The following LARP1 variants were observed in gnomAD, a reference collection of about 807,000 sequenced individuals.
LARP1 encodes the protein La ribonucleoprotein 1, translational regulator.
In LARP1, 36 loss-of-function variants were observed where a neutral mutation model predicts 122.7. That is an observed-to-expected ratio of 0.29 (90% CI 0.22 to 0.39). The LOEUF is 0.39. LARP1 is among the 10% of genes least tolerant of loss of function. The probability of loss-of-function intolerance (pLI) is 1.00; values close to 1 mark genes in which losing one functional copy is unlikely to be tolerated. For synonymous variants in LARP1, 539 were observed against 528.7 expected (o/e 1.02, Z -0.27); for missense variants, 1,040 against 1,403.6 (o/e 0.74, Z 4.14).
intron 15 of LARP1, among the ~76,000 whole-genome samples, chr5:154,808,092 G>A (rs756440151): frequency 1.3e-5 from 2 of 152,124 alleles, no homozygotes; most frequent in African/African-American, 2.4e-5. Context: ...GGACTCTTGA[G>A]GTAAATATTG....
chr5:154,786,610 C>G, intron 1 of LARP1: 2 of 391,164 alleles, frequency 5.1e-6, no homozygotes, highest in Non-Finnish European at 5.1e-6. Context: ...TCATCAGTAA[C>G]TGTTTACTCA....
At chr5:154,777,877 A>AGG (rs1427968862) in intron 1 of LARP1, among the ~76,000 whole-genome samples, 1 of 152,242 alleles carries the variant, frequency 6.6e-6, no homozygotes, top group Non-Finnish European at 1.5e-5. Flanking sequence ...ACACTGGTAT[A>AGG]GGGCAGCTCT....
rs564561750 is a variant in LARP1 at position 154,717,224 on chromosome 5, A to C, written c.205+4094A>C. On this transcript the variant is annotated intron_variant, in intron 1 of 18. Coordinates refer to the LARP1 transcript ENST00000336314. Reference sequence around the variant, plus strand: ...CCAACTTGAGCTGCTGCTTTTAAACAGGGCTTGTGACATCTAGTTTGCTAC... The same window carrying C: ...CCAACTTGAGCTGCTGCTTTTAAACCGGGCTTGTGACATCTAGTTTGCTAC... Among the ~76,000 whole-genome samples the C allele has an allele frequency of 1.3e-3, 200 of 152,266 alleles. 2 individuals carry two copies. The highest frequency in any genetic ancestry group is 4.5e-3 in the African/African-American group (189 of 41,554).
At chr5:154,738,963 T>A (rs1166580793) in intron 1 of LARP1, among the ~76,000 whole-genome samples, 1 of 152,100 alleles carries the variant, frequency 6.6e-6, no homozygotes, top group East Asian at 1.9e-4. Flanking sequence ...AAATAAAAAA[T>A]TTAAAATAAA....
At chr5:154,745,882 G>A (rs538597465) in intron 1 of LARP1, among the ~76,000 whole-genome samples, 1 of 150,540 alleles carries the variant, frequency 6.6e-6, no homozygotes, top group South Asian at 2.1e-4. Context: ...TGCAACCTCC[G>A]AATCCCTGGT....
At chr5:154,710,765 T>C (rs970153777), upstream of LARP1, among the ~76,000 whole-genome samples, 6 of 123,864 alleles carry the variant, frequency 4.8e-5, no homozygotes, top group Admixed American at 4.0e-4. Flanking sequence ...AAAAAAAAAA[T>C]CATACTGAAA....
chr5:154,752,627 T>C (rs1172965532), upstream of LARP1, among the ~76,000 whole-genome samples: 1 of 152,094 alleles, frequency 6.6e-6, no homozygotes, highest in Admixed American at 6.5e-5. Flanking sequence ...TTTCCAGTTC[T>C]AACAGCTTCT....
At chr5:154,757,791 TGCTCCCCTTCCCCCCTGCTCCCCTTCCCC>T in intron 1 of LARP1, among the ~76,000 whole-genome samples, 1 of 78,790 alleles carries the variant, frequency 1.3e-5, no homozygotes, top group Non-Finnish European at 2.6e-5. Flanking sequence ...CCTTCCCCCC[TGCTCCCCTTCCCCCCTGCTCCCCTTCCCC>T]CCTGCTCCCC....
intron 1 of LARP1, among the ~76,000 whole-genome samples, chr5:154,782,983 A>C (rs909823837): frequency 3.9e-5 from 6 of 152,128 alleles, no homozygotes; most frequent in Non-Finnish European, 7.4e-5. Flanking sequence ...ATGACAGCTG[A>C]AAGTAGCCAG....
At chr5:154,789,193 A>G (rs1462941250) in intron 1 of LARP1, among the ~76,000 whole-genome samples, 2 of 144,248 alleles carry the variant, frequency 1.4e-5, no homozygotes, top group Non-Finnish European at 3.0e-5. Context: ...CCTGGGTGAC[A>G]GAGCGAGACT....
At position 154,814,144 on chromosome 5, in the gene LARP1, T is replaced by TAAG. The variant is rs754062977; in HGVS notation, c.*50_*52dup. On this transcript the variant is annotated 3_prime_UTR_variant, in exon 19 of 19. Coordinates refer to ENST00000518297, the MANE Select transcript of LARP1 (RefSeq NM_033551.3). ...TGAGGGGGGAAAGGGGTAGGGTGGG[T>TAAG]AAGAGTCCATGGGGGTGCCCAGTCC... 5.2e-5 allele frequency: 82 copies of TAAG among 1,575,368 alleles called. No individual in the cohort carries two copies. The highest frequency in any genetic ancestry group is 1.7e-4 in the Middle Eastern group (1 of 6,024).
upstream of LARP1, among the ~76,000 whole-genome samples, chr5:154,710,680 T>A (rs1755173158): frequency 6.8e-6 from 1 of 146,796 alleles, no homozygotes; most frequent in African/African-American, 2.5e-5. Flanking sequence ...GAGGTGGAAG[T>A]TGCAGTGAGC....
At chr5:154,693,683 G>A (rs1174720261) in intron 1 of LARP1, among the ~76,000 whole-genome samples, 2 of 151,938 alleles carry the variant, frequency 1.3e-5, no homozygotes, top group Non-Finnish European at 2.9e-5. Context: ...ATGAAACCCC[G>A]TCTCTACTAA....
chr5:154,804,157 T>G (rs760973493), intron 13 of LARP1, 44 bp from the exon 14 acceptor site: 1 of 1,408,918 alleles, frequency 7.1e-7, no homozygotes, highest in Admixed American at 1.7e-5. Flanking sequence ...TCCTCAGAGT[T>G]GTAGGAGTAC....
intron 1 of LARP1, 43 bp downstream of exon 1, chr5:154,756,236 C>A: frequency 8.4e-7 from 1 of 1,196,880 alleles, no homozygotes; most frequent in East Asian, 8.4e-5. Flanking sequence ...GGGCCTCTTC[C>A]GGGGACATGG....
Position 154,814,062 on chromosome 5 carries a change from G to T in LARP1, c.3257G>T (p.Ser1086Ile). Residue 1086 changes from serine (S) to isoleucine (I), a missense_variant, in exon 19 of 19, where the codon AGC becomes ATC. Around this residue, in one of 8 missense-constraint regions of LARP1, gnomAD observed 129 missense variants for 160.8 expected, o/e 0.80. Coordinates refer to ENST00000518297, the MANE Select transcript of LARP1 (RefSeq NM_033551.3). ...QPVREDAKWT[S>I]QHSNTQTLGK ...GTCCGGGAAGATGCCAAATGGACAA[G>T]CCAGCACTCGAACACACAGACTTTG... The T allele has an allele frequency of 1.2e-6, 2 of 1,614,122 alleles. No homozygotes were observed. Among genetic ancestry groups the T allele is most frequent in the Admixed American group, 3.3e-5 (2 of 60,024 alleles).
intron 1 of LARP1, among the ~76,000 whole-genome samples, chr5:154,693,254 C>T (rs889035213): frequency 1.3e-5 from 2 of 152,082 alleles, no homozygotes; most frequent in Non-Finnish European, 2.9e-5. Context: ...CCTCCCACCT[C>T]AGCCTCCTAA....
At chr5:154,792,842 C>T (rs1757449242) in intron 4 of LARP1, 46 bp downstream of exon 4, 3 of 1,589,000 alleles carry the variant, frequency 1.9e-6, no homozygotes, top group Non-Finnish European at 2.6e-6. Context: ...CAGGGTAGAA[C>T]TGTGAAATGT....
At chr5:154,739,005 A>G (rs932776667) in intron 1 of LARP1, among the ~76,000 whole-genome samples, 3 of 152,086 alleles carry the variant, frequency 2.0e-5, no homozygotes, top group African/African-American at 7.2e-5. Context: ...AATATACTGG[A>G]CAGTTTTTGT....
Sources: allele counts gnomAD v4.1 joint callset (sites outside exome capture counted in the v4.1 genomes callset), GRCh38; gene constraint gnomAD v4.1.1; regional missense constraint gnomAD v4.1.1; transcripts MANE v1.5; gene names NCBI Gene and HGNC (gene_info 2026-07-23, HGNC 2026-07-21).